CLVS1: variants seen among roughly 807,000 people sequenced by gnomAD.
The protein encoded by CLVS1 is clavesin-1.
CLVS1 carries 10 observed loss-of-function variants against 33.1 expected under a neutral mutation model. That is an observed-to-expected ratio of 0.30 (90% CI 0.19 to 0.51). The LOEUF (loss-of-function observed/expected upper bound fraction) is 0.51, where lower values mean the gene tolerates loss of function less well. Among genes scored for constraint, CLVS1 ranks in the 20% least tolerant of loss-of-function variants. The pLI is 0.97. For synonymous variants in CLVS1, 163 were observed against 166.1 expected (o/e 0.98, Z 0.14); for missense variants, 343 against 433.4 (o/e 0.79, Z 1.85).
At chr8:61,097,462 C>T (rs1805374038) in intron 1 of CLVS1, among the ~76,000 whole-genome samples, 2 of 152,152 alleles carry the variant, frequency 1.3e-5, no homozygotes, top group African/African-American at 4.8e-5. Flanking sequence ...GCAAAGACAG[C>T]ACAGGTTGCT....
At chr8:61,342,439 C>G (rs1474689175) in intron 2 of CLVS1, among the ~76,000 whole-genome samples, 1 of 152,160 alleles carries the variant, frequency 6.6e-6, no homozygotes, top group Non-Finnish European at 1.5e-5. Context: ...ACACAGAGCT[C>G]CCTGAGAAGC....
the CLVS1 span, among the ~76,000 whole-genome samples, chr8:60,996,414 A>T: frequency 7.2e-5 from 11 of 152,344 alleles, no homozygotes; most frequent in East Asian, 2.1e-3. Context: ...GTATCTCTTC[A>T]ATTAAAACAA....
the CLVS1 span, among the ~76,000 whole-genome samples, chr8:61,031,342 C>T: frequency 6.6e-6 from 1 of 152,126 alleles, no homozygotes; most frequent in Admixed American, 6.6e-5. Flanking sequence ...CTTGCAGAGC[C>T]CTTCGTATGG....
the CLVS1 span, among the ~76,000 whole-genome samples, chr8:61,023,656 G>A: frequency 6.6e-6 from 1 of 152,168 alleles, no homozygotes; most frequent in Non-Finnish European, 1.5e-5. Flanking sequence ...GCTCGTGGCG[G>A]GCCCGGTGAG....
At chr8:61,397,655 T>C (rs778534669) in intron 3 of CLVS1, among the ~76,000 whole-genome samples, 1 of 152,208 alleles carries the variant, frequency 6.6e-6, no homozygotes, top group Admixed American at 6.5e-5. Context: ...TTTAGATCTA[T>C]AATCTATTTT....
chr8:61,020,068 G>A, the CLVS1 span, among the ~76,000 whole-genome samples: 286 of 152,334 alleles, frequency 1.9e-3, 2 homozygotes, highest in East Asian at 0.022. Context: ...GCTTAGAGAC[G>A]TTGTTGGCAG....
At chr8:61,330,535 C>A (rs937039086) in intron 2 of CLVS1, among the ~76,000 whole-genome samples, 1 of 152,188 alleles carries the variant, frequency 6.6e-6, no homozygotes, top group African/African-American at 2.4e-5. Flanking sequence ...AAGATTAATT[C>A]ACCTTCAGCA....
At chr8:61,339,969 A>G (rs1356683669) in intron 2 of CLVS1, among the ~76,000 whole-genome samples, 9 of 151,748 alleles carry the variant, frequency 5.9e-5, no homozygotes, top group Non-Finnish European at 1.3e-4. Context: ...TGAGAGAAAG[A>G]AAGAGAAAGA....
At chr8:61,436,337 T>A (rs183786990) in intron 3 of CLVS1, among the ~76,000 whole-genome samples, 38 of 152,334 alleles carry the variant, frequency 2.5e-4, no homozygotes, top group African/African-American at 8.9e-4. Flanking sequence ...GTAAAAGTCA[T>A]CAAAATATTT....
intron 2 of CLVS1, among the ~76,000 whole-genome samples, chr8:61,339,567 C>T (rs1034904426): frequency 6.6e-6 from 1 of 152,046 alleles, no homozygotes; most frequent in Non-Finnish European, 1.5e-5. Flanking sequence ...CTCACCTGTG[C>T]CCAAGGGGAC....
At chr8:61,302,836 G>A (rs907081978) in intron 2 of CLVS1, among the ~76,000 whole-genome samples, 10 of 152,190 alleles carry the variant, frequency 6.6e-5, no homozygotes, top group Non-Finnish European at 2.9e-5. Context: ...TATAATCATG[G>A]CAGAAGGTGA....
chr8:61,390,699 A>G (rs1031865126), intron 3 of CLVS1, among the ~76,000 whole-genome samples: 10 of 152,112 alleles, frequency 6.6e-5, no homozygotes, highest in Non-Finnish European at 1.3e-4. Flanking sequence ...TTTTCTGTGT[A>G]TTGCCTGTTA....
chr8:61,306,183 C>T (rs1408056629), intron 2 of CLVS1, among the ~76,000 whole-genome samples: 3 of 152,202 alleles, frequency 2.0e-5, no homozygotes, highest in East Asian at 3.8e-4. Context: ...TTTCTTTCCA[C>T]AACTTCACCA....
At chr8:61,162,360 T>C (rs919073286) in intron 2 of CLVS1, among the ~76,000 whole-genome samples, 8 of 152,222 alleles carry the variant, frequency 5.3e-5, no homozygotes, top group African/African-American at 1.9e-4. Flanking sequence ...GACATGAACC[T>C]TCAGGGAGTG....
At chr8:61,051,779 G>C in the CLVS1 span, among the ~76,000 whole-genome samples, 1 of 152,226 alleles carries the variant, frequency 6.6e-6, no homozygotes, top group African/African-American at 2.4e-5. Flanking sequence ...GCATCTGGCC[G>C]TGCTGGCCCA....
intron 4 of CLVS1, among the ~76,000 whole-genome samples, chr8:61,456,902 A>T (rs1817184889): frequency 2.7e-5 from 4 of 147,894 alleles, no homozygotes; most frequent in Admixed American, 2.7e-4. Context: ...TGGGCAACAG[A>T]GCAAGACTCC....
chr8:61,222,967 G>A (rs1461226820), intron 2 of CLVS1, among the ~76,000 whole-genome samples: 1 of 135,338 alleles, frequency 7.4e-6, no homozygotes, highest in Non-Finnish European at 1.6e-5. Context: ...TTTAAAGTCT[G>A]TTTTGTCAGA....
the CLVS1 span, among the ~76,000 whole-genome samples, chr8:61,032,986 AAGGAAG>A: frequency 4.0e-4 from 35 of 86,596 alleles, no homozygotes; most frequent in African/African-American, 1.6e-3. Context: ...GGAAGGAAGG[AAGGAAG>A]GAAAGAAAGA....
intron 2 of CLVS1, among the ~76,000 whole-genome samples, chr8:61,229,934 C>T (rs1808398044): frequency 6.6e-6 from 1 of 152,200 alleles, no homozygotes; most frequent in Non-Finnish European, 1.5e-5. Context: ...CTGAGCCAGG[C>T]ACATTTCTAA....
Sources: gnomAD v4.1 joint callset for allele counts (sites outside exome capture counted in the v4.1 genomes callset) on GRCh38, gnomAD v4.1.1 for gene constraint, MANE v1.5 for transcripts, NCBI Gene and HGNC (gene_info 2026-07-23, HGNC 2026-07-21) for gene names.